LDB2: variants seen among roughly 807,000 people sequenced by gnomAD.
The protein encoded by LDB2 is LIM domain-binding protein 2.
LDB2 carries 12 observed loss-of-function variants against 44.3 expected under a neutral mutation model. The observed-to-expected ratio is 0.27, with a 90% CI of 0.17 to 0.44. The LOEUF is 0.44. LDB2 is among the 20% of genes least tolerant of loss of function. The pLI, the probability that LDB2 is intolerant of heterozygous loss-of-function variation, is 1.00. For missense variants in LDB2, 344 were observed against 473.5 expected (o/e 0.73, Z 2.54); for synonymous variants, 164 against 174.8 (o/e 0.94, Z 0.49).
chr4:16,788,731 G>T (rs1775041493), intron 1 of LDB2, among the ~76,000 whole-genome samples: 1 of 152,206 alleles, frequency 6.6e-6, no homozygotes, highest in African/African-American at 2.4e-5. Context: ...GGAAAGAAGT[G>T]AGTTTGGTTT....
intron 1 of LDB2, among the ~76,000 whole-genome samples, chr4:16,891,697 A>G (rs1723456576): frequency 6.6e-6 from 1 of 152,168 alleles, no homozygotes; most frequent in African/African-American, 2.4e-5. Context: ...CATCCCTTGG[A>G]ATTTCACTTG....
At chr4:16,720,990 A>C (rs1758148383) in intron 2 of LDB2, among the ~76,000 whole-genome samples, 1 of 152,170 alleles carries the variant, frequency 6.6e-6, no homozygotes, top group Non-Finnish European at 1.5e-5. Context: ...AAGTCACTTG[A>C]CAGGGAAGTT....
intron 2 of LDB2, among the ~76,000 whole-genome samples, chr4:16,655,030 A>T (rs569595982): frequency 7.2e-4 from 109 of 152,318 alleles, no homozygotes; most frequent in Non-Finnish European, 1.1e-3. Flanking sequence ...CTTCAAAGAG[A>T]TTCGAACGAA....
intron 5 of LDB2, among the ~76,000 whole-genome samples, chr4:16,559,622 C>T (rs898387214): frequency 6.6e-6 from 1 of 152,098 alleles, no homozygotes; most frequent in African/African-American, 2.4e-5. Context: ...TAATGGGAGA[C>T]TTTAACACCC....
At chr4:16,679,618 C>A (rs768151254) in intron 2 of LDB2, among the ~76,000 whole-genome samples, 2 of 152,124 alleles carry the variant, frequency 1.3e-5, no homozygotes, top group African/African-American at 4.8e-5. Flanking sequence ...GTCTGTGAGC[C>A]GCCTTCAGCA....
chr4:16,572,937 G>GA (rs1747097284), intron 5 of LDB2, among the ~76,000 whole-genome samples: 1 of 152,158 alleles, frequency 6.6e-6, no homozygotes, highest in Non-Finnish European at 1.5e-5. Flanking sequence ...AGGAGGAAGG[G>GA]AAAAGTAAGA....
At chr4:16,660,583 T>G (rs1741300529) in intron 2 of LDB2, among the ~76,000 whole-genome samples, 1 of 152,208 alleles carries the variant, frequency 6.6e-6, no homozygotes, top group Non-Finnish European at 1.5e-5. Flanking sequence ...GTGCGCCTAC[T>G]ACATGCCAGG....
intron 2 of LDB2, among the ~76,000 whole-genome samples, chr4:16,623,213 A>T (rs1381873236): frequency 6.6e-6 from 1 of 152,232 alleles, no homozygotes; most frequent in Non-Finnish European, 1.5e-5. Flanking sequence ...AGAAAGCTAG[A>T]GGAGAAAAAA....
chr4:16,729,118 T>C (rs1423789955), intron 2 of LDB2, among the ~76,000 whole-genome samples: 15 of 152,226 alleles, frequency 9.9e-5, no homozygotes, highest in Admixed American at 8.5e-4. Flanking sequence ...GGCAAGTCTT[T>C]GCCTCGCAGA....
At chr4:16,864,853 G>C (rs904386694) in intron 1 of LDB2, among the ~76,000 whole-genome samples, 2 of 151,814 alleles carry the variant, frequency 1.3e-5, no homozygotes, top group Non-Finnish European at 2.9e-5. Flanking sequence ...TGAACCCAGG[G>C]GGCAGAGGTT....
intron 1 of LDB2, among the ~76,000 whole-genome samples, chr4:16,806,237 C>T (rs866286773): frequency 4.6e-5 from 7 of 152,188 alleles, no homozygotes; most frequent in African/African-American, 1.2e-4. Context: ...TCTTTGACTC[C>T]GCACAGCCAG....
At chr4:16,702,086 TTCTTGCAACTCTAGAAA>T (rs1365631409) in intron 2 of LDB2, among the ~76,000 whole-genome samples, 2 of 152,264 alleles carry the variant, frequency 1.3e-5, no homozygotes, top group Non-Finnish European at 2.9e-5. Context: ...AGTTCCATAA[TTCTTGCAACTCTAGAAA>T]TCTATAAATG....
intron 5 of LDB2, among the ~76,000 whole-genome samples, chr4:16,568,178 A>G (rs1438399854): frequency 6.6e-6 from 1 of 152,224 alleles, no homozygotes; most frequent in Non-Finnish European, 1.5e-5. Flanking sequence ...TGATGGTGAC[A>G]ATAATGGTGG....
intron 4 of LDB2, 60 bp downstream of exon 4, chr4:16,588,650 T>A: frequency 6.4e-7 from 1 of 1,566,704 alleles, no homozygotes; most frequent in Non-Finnish European, 8.7e-7. Flanking sequence ...TTTTTCCCCT[T>A]GAGTGAAATG....
At chr4:16,892,631 AT>A in intron 1 of LDB2, among the ~76,000 whole-genome samples, 1 of 152,268 alleles carries the variant, frequency 6.6e-6, no homozygotes, top group Admixed American at 6.5e-5. Context: ...GTTCTTGATC[AT>A]TTATAAAGTT....
At position 16,868,428 on chromosome 4, in the gene LDB2, A is replaced by C. The variant is rs147594688; in HGVS notation, c.132+29926T>G. Among the ~76,000 whole-genome samples, 130 of 152,342 alleles carry C rather than the reference A, an allele frequency of 8.5e-4. 1 individual carries two copies. Among genetic ancestry groups the C allele is most frequent in the Admixed American group, 2.4e-3 (36 of 15,306 alleles). ...CTGATTAAAATGCACAGCAAATACTATTCTCTGTATAAACTCTTAATATCA... is the reference window on the plus strand; with the variant it reads ...CTGATTAAAATGCACAGCAAATACTCTTCTCTGTATAAACTCTTAATATCA... On this transcript the variant is annotated intron_variant, in intron 1 of 7. Coordinates refer to ENST00000304523, the MANE Select transcript of LDB2 (RefSeq NM_001290.5).
intron 1 of LDB2, among the ~76,000 whole-genome samples, chr4:16,794,422 T>C (rs1776337113): frequency 6.6e-6 from 1 of 152,174 alleles, no homozygotes. Flanking sequence ...CAGATCTCTA[T>C]GAAAAATGCA....
chr4:16,722,800 G>C (rs1388548349), intron 2 of LDB2, among the ~76,000 whole-genome samples: 3 of 152,036 alleles, frequency 2.0e-5, no homozygotes, highest in Non-Finnish European at 4.4e-5. Flanking sequence ...AAAACTCAAG[G>C]TTCTGAGGGT....
At chr4:16,873,324 A>C (rs1717275742) in intron 1 of LDB2, among the ~76,000 whole-genome samples, 1 of 152,182 alleles carries the variant, frequency 6.6e-6, no homozygotes, top group Non-Finnish European at 1.5e-5. Context: ...CATTTCTTTT[A>C]ACTAGAACCC....
Sources: allele counts gnomAD v4.1 joint callset (sites outside exome capture counted in the v4.1 genomes callset), GRCh38; gene constraint gnomAD v4.1.1; transcripts MANE v1.5; gene names NCBI Gene and HGNC (gene_info 2026-07-23, HGNC 2026-07-21).